The following LMBR1 variants were observed in gnomAD, a reference collection of about 807,000 sequenced individuals.
LMBR1 encodes limb development membrane protein 1, also known as limb region 1 protein homolog.
A neutral mutation model predicts 73.9 loss-of-function variants in LMBR1; 52 were observed. The observed-to-expected ratio is 0.70, with a 90% CI of 0.56 to 0.89. The LOEUF (loss-of-function observed/expected upper bound fraction) is 0.89, where lower values mean the gene tolerates loss of function less well. LMBR1 is among the 40% of genes least tolerant of loss of function. LMBR1 has a pLI of 0.00. For missense variants in LMBR1, 539 were observed against 579.8 expected (o/e 0.93, Z 0.72); for synonymous variants, 215 against 209.4 (o/e 1.03, Z -0.23).
At chr7:156,675,734 C>T (rs1214866550), downstream of LMBR1, 1 of 1,612,714 alleles carries the variant, frequency 6.2e-7, no homozygotes, top group Non-Finnish European at 8.5e-7. Context: ...GCTCATACAA[C>T]ACCAACATTG....
chr7:156,880,071 T>C (rs1401195097), intron 1 of LMBR1, among the ~76,000 whole-genome samples: 1 of 152,238 alleles, frequency 6.6e-6, no homozygotes, highest in Non-Finnish European at 1.5e-5. Flanking sequence ...CAGCACAATG[T>C]GCAGTTGCAA....
intron 1 of LMBR1, among the ~76,000 whole-genome samples, chr7:156,838,603 T>G (rs1034539746): frequency 2.6e-5 from 4 of 152,212 alleles, no homozygotes; most frequent in Admixed American, 2.0e-4. Context: ...TACATTTTCT[T>G]GATCCACTCA....
intron 1 of LMBR1, among the ~76,000 whole-genome samples, chr7:156,857,261 T>C (rs1405752848): frequency 6.6e-6 from 1 of 152,134 alleles, no homozygotes; most frequent in East Asian, 1.9e-4. Flanking sequence ...AAAAAAGTAT[T>C]TTAAGACAGA....
At position 156,679,986 on chromosome 7, in the gene LMBR1, T is replaced by C. The variant is rs552327641; in HGVS notation, c.*4092A>G. 1 of 152,242 alleles carries C rather than the reference T, an allele frequency of 6.6e-6. No individual in the cohort carries two copies. Among genetic ancestry groups the C allele is most frequent in the African/African-American group, 2.4e-5 (1 of 41,470 alleles). 9.4% of individuals were successfully genotyped at this position (152,242 alleles called of 1,614,324 possible). A position where few individuals can be genotyped will look rare whatever the true frequency, so the allele number is the denominator to read the frequency against. On this transcript the variant is annotated 3_prime_UTR_variant, in exon 17 of 17. Coordinates refer to ENST00000353442, the MANE Select transcript of LMBR1 (RefSeq NM_022458.4). Reference sequence around the variant, plus strand: ...TTGCCTAATATTCCTTCAAGACATATGGATCAATCACCAAGTTTTGAAATT... The same window carrying C: ...TTGCCTAATATTCCTTCAAGACATACGGATCAATCACCAAGTTTTGAAATT...
chr7:156,825,981 G>GT (rs1476557094), intron 4 of LMBR1, among the ~76,000 whole-genome samples: 1 of 152,128 alleles, frequency 6.6e-6, no homozygotes, highest in South Asian at 2.1e-4. Flanking sequence ...TATAGCTGCT[G>GT]TTTTTTAGTT....
At chr7:156,891,914 A>C (rs1404552365) in intron 1 of LMBR1, among the ~76,000 whole-genome samples, 1 of 152,248 alleles carries the variant, frequency 6.6e-6, no homozygotes, top group Non-Finnish European at 1.5e-5. Context: ...GAGTACACAA[A>C]TTAGATAATT....
rs79881605 is a variant in LMBR1 at position 156,684,042 on chromosome 7, G to A, written c.*36C>T. On this transcript the variant is annotated 3_prime_UTR_variant, in exon 17 of 17. Coordinates refer to ENST00000353442, the MANE Select transcript of LMBR1 (RefSeq NM_022458.4). The stretch of plus-strand genomic sequence containing the variant: ...GGAATGTCGTGAATCTGGAGTTCTC[G>A]GGTCTCTTGGTGGCAGAAGACGCCG... 13,780 of 1,518,562 alleles carry A rather than the reference G, an allele frequency of 9.1e-3. 348 individuals carry two copies. Among genetic ancestry groups the A allele is most frequent in the South Asian group, 0.078 (6,894 of 88,898 alleles). 94.1% of individuals were successfully genotyped at this position (1,518,562 alleles called of 1,614,324 possible).
At chr7:156,889,053 CAA>C (rs879634101) in intron 1 of LMBR1, among the ~76,000 whole-genome samples, 8 of 138,014 alleles carry the variant, frequency 5.8e-5, no homozygotes, top group South Asian at 2.3e-4. Flanking sequence ...GACTCTGTCT[CAA>C]AAAAAAAAAA....
At position 156,725,824 on chromosome 7, in the gene LMBR1, C is replaced by T. The variant is rs1290794070; in HGVS notation, c.1007G>A (p.Gly336Glu). Residue 336 changes from glycine (G) to glutamate (E), a missense_variant, in exon 13 of 17, where the codon GGA becomes GAA. Gly to Glu is a moderately conservative substitution (Grantham distance 98). Transcript: ENST00000353442. ...ACCAAACGTAGAAAGAGAGGCATTT[C>T]CTATTCCAGGCCCCTGGGGTGGGAG... ...MPKGTRGPGI[G>E]NASLSTFGFV... 7 of 1,613,448 alleles carry T rather than the reference C, an allele frequency of 4.3e-6. No homozygotes were observed. Among genetic ancestry groups the T allele is most frequent in the Non-Finnish European group, 5.9e-6 (7 of 1,179,624 alleles).
At chr7:156,864,713 A>G (rs1798202701) in intron 1 of LMBR1, among the ~76,000 whole-genome samples, 1 of 152,134 alleles carries the variant, frequency 6.6e-6, no homozygotes, top group Non-Finnish European at 1.5e-5. Flanking sequence ...AAGCAATTCC[A>G]GGGCCGGGCA....
At chr7:156,689,715 G>A (rs1338293119) in intron 15 of LMBR1, among the ~76,000 whole-genome samples, 3 of 152,150 alleles carry the variant, frequency 2.0e-5, no homozygotes, top group Admixed American at 2.0e-4. Context: ...TTAAAATGCA[G>A]ACACCAGAAG....
At chr7:156,850,977 T>C (rs1459882526) in intron 1 of LMBR1, among the ~76,000 whole-genome samples, 3 of 152,124 alleles carry the variant, frequency 2.0e-5, no homozygotes, top group African/African-American at 7.2e-5. Flanking sequence ...TTTAAGGACT[T>C]TGGCACCTCC....
At chr7:156,873,746 T>G (rs1406144738) in intron 1 of LMBR1, among the ~76,000 whole-genome samples, 1 of 152,118 alleles carries the variant, frequency 6.6e-6, no homozygotes, top group African/African-American at 2.4e-5. Context: ...GGGTGCTGAT[T>G]GGTGTATTTA....
At chr7:156,854,942 C>T (rs1796735915) in intron 1 of LMBR1, among the ~76,000 whole-genome samples, 1 of 152,184 alleles carries the variant, frequency 6.6e-6, no homozygotes, top group African/African-American at 2.4e-5. Context: ...AGTAAGCAGC[C>T]TAACTCACAC....
At chr7:156,804,728 T>G (rs1042293588) in intron 4 of LMBR1, among the ~76,000 whole-genome samples, 1 of 152,190 alleles carries the variant, frequency 6.6e-6, no homozygotes, top group Non-Finnish European at 1.5e-5. Context: ...AAGTTCTTTA[T>G]GGGCTCTGAA....
intron 1 of LMBR1, among the ~76,000 whole-genome samples, chr7:156,866,426 T>G (rs1407448742): frequency 6.6e-6 from 1 of 151,464 alleles, no homozygotes; most frequent in Non-Finnish European, 1.5e-5. Flanking sequence ...CTGGTGCTAA[T>G]TCATTGTTGG....
intron 4 of LMBR1, among the ~76,000 whole-genome samples, chr7:156,802,946 A>T (rs1047937416): frequency 6.6e-6 from 1 of 152,140 alleles, no homozygotes; most frequent in Non-Finnish European, 1.5e-5. Context: ...CTGGCTAGTC[A>T]TATGTAGAAA....
intron 5 of LMBR1, among the ~76,000 whole-genome samples, chr7:156,788,365 T>C (rs1196569569): frequency 1.3e-5 from 2 of 152,232 alleles, no homozygotes; most frequent in Admixed American, 1.3e-4. Flanking sequence ...ACTATTAGTA[T>C]GCTCTTCGTT....
At chr7:156,812,700 A>C (rs1833294844) in intron 4 of LMBR1, among the ~76,000 whole-genome samples, 1 of 152,248 alleles carries the variant, frequency 6.6e-6, no homozygotes, top group Non-Finnish European at 1.5e-5. Flanking sequence ...ACACCAGTTT[A>C]GTAAGGTTTT....
Sources: gnomAD v4.1 joint callset for allele counts (sites outside exome capture counted in the v4.1 genomes callset) on GRCh38, gnomAD v4.1.1 for gene constraint, MANE v1.5 for transcripts, NCBI Gene and HGNC (gene_info 2026-07-23, HGNC 2026-07-21) for gene names.